Variants in METTL15 observed in about 807,000 individuals in gnomAD.
The protein encoded by METTL15 is 12S rRNA N(4)-cytidine methyltransferase METTL15.
A neutral mutation model predicts 38.3 loss-of-function variants in METTL15; 34 were observed. That is an observed-to-expected ratio of 0.89 (90% CI 0.68 to 1.18). The LOEUF is 1.18. Ranked by LOEUF, METTL15 falls within the 50% of genes most tolerant of loss-of-function variation. The pLI, the probability that METTL15 is intolerant of heterozygous loss-of-function variation, is 0.00. For synonymous variants in METTL15, 162 were observed against 170.9 expected, an observed-to-expected ratio of 0.95 and a Z score of 0.41; for missense variants, 438 against 498.4, an observed-to-expected ratio of 0.88 and a Z score of 1.15.
chr11:28,446,833 CT>C (rs1358520358), intron 6 of METTL15, among the ~76,000 whole-genome samples: 7 of 151,998 alleles, frequency 4.6e-5, no homozygotes, highest in African/African-American at 7.3e-5. Flanking sequence ...TTCCATACCC[CT>C]AATCACATTC....
chr11:28,251,456 G>T lies in METTL15; in HGVS notation c.408-38750G>T, dbSNP rs956860569. On this transcript the variant is annotated intron_variant, in intron 4 of 6. Coordinates refer to ENST00000407364, the MANE Select transcript of METTL15 (RefSeq NM_001113528.2). ...TTGTTACAGGCTAATTTTATATTTG[G>T]CTAGGTCATCAATTTTCTCATATAA... is the stretch of plus-strand genomic sequence containing the variant. Among the ~76,000 whole-genome samples the T allele has an allele frequency of 4.6e-5, 7 of 151,848 alleles. No individual in the cohort carries two copies. The East Asian group carries it at 1.2e-3, about 25-fold the overall frequency.
At chr11:28,273,425 A>G (rs563875440) in intron 4 of METTL15, among the ~76,000 whole-genome samples, 1 of 152,212 alleles carries the variant, frequency 6.6e-6, no homozygotes, top group East Asian at 1.9e-4. Flanking sequence ...CCCTATTATC[A>G]GCAGGCCCTA....
chr11:28,152,711 A>C (rs1395865965), intron 3 of METTL15, among the ~76,000 whole-genome samples: 1 of 152,052 alleles, frequency 6.6e-6, no homozygotes, highest in Non-Finnish European at 1.5e-5. Flanking sequence ...TAACTGTTAC[A>C]GGAAAGGGGT....
chr11:28,334,299 C>G (rs1849880879), downstream of METTL15, among the ~76,000 whole-genome samples: 1 of 151,888 alleles, frequency 6.6e-6, no homozygotes, highest in East Asian at 1.9e-4. Context: ...CATACCATGA[C>G]AAACTAAGCC....
At chr11:28,114,657 G>A (rs1851865412) in intron 3 of METTL15, among the ~76,000 whole-genome samples, 1 of 152,084 alleles carries the variant, frequency 6.6e-6, no homozygotes, top group Admixed American at 6.6e-5. Flanking sequence ...CACCATGTTG[G>A]CCAGGCTGGT....
intron 3 of METTL15, among the ~76,000 whole-genome samples, chr11:28,190,902 C>A (rs1222917840): frequency 6.6e-6 from 1 of 151,166 alleles, no homozygotes; most frequent in African/African-American, 2.4e-5. Context: ...CTTGTTCAAC[C>A]AAAGTAACAT....
At chr11:28,318,087 A>G (rs1409572408) in intron 6 of METTL15, among the ~76,000 whole-genome samples, 1 of 152,172 alleles carries the variant, frequency 6.6e-6, no homozygotes, top group Non-Finnish European at 1.5e-5. Flanking sequence ...GCAGCAGAGC[A>G]TCTCCGCATA....
At chr11:28,462,403 G>A (rs959039528) in intron 6 of METTL15, among the ~76,000 whole-genome samples, 2 of 151,224 alleles carry the variant, frequency 1.3e-5, no homozygotes, top group Non-Finnish European at 3.0e-5. Flanking sequence ...AGAATTCTCT[G>A]GTTACAAGCA....
At chr11:28,119,045 T>C (rs1266140607) in intron 3 of METTL15, among the ~76,000 whole-genome samples, 1 of 152,162 alleles carries the variant, frequency 6.6e-6, no homozygotes, top group Non-Finnish European at 1.5e-5. Flanking sequence ...TGTTTCCTCT[T>C]TCTGGAACTC....
chr11:28,154,867 A>G (rs117552379), intron 3 of METTL15, among the ~76,000 whole-genome samples: 124 of 152,198 alleles, frequency 8.1e-4, no homozygotes, highest in South Asian at 2.7e-3. Context: ...TAATTTATGC[A>G]TTTGAATTTG....
chr11:28,244,216 A>T (rs1390700304), intron 4 of METTL15, among the ~76,000 whole-genome samples: 1 of 152,220 alleles, frequency 6.6e-6, no homozygotes, highest in Non-Finnish European at 1.5e-5. Flanking sequence ...AGATTGCAGA[A>T]GGTAAGGTCA....
chr11:28,300,377 A>G (rs1200234234), intron 6 of METTL15, among the ~76,000 whole-genome samples: 1 of 152,188 alleles, frequency 6.6e-6, no homozygotes, highest in Non-Finnish European at 1.5e-5. Flanking sequence ...CTAATAATTC[A>G]GTAGGACAAG....
chr11:28,334,199 T>C, downstream of METTL15, among the ~76,000 whole-genome samples: 1 of 152,056 alleles, frequency 6.6e-6, no homozygotes, highest in Non-Finnish European at 1.5e-5. Context: ...CCATCCCTTC[T>C]TCTCTGTTCA....
At chr11:28,283,167 T>G (rs1325400606) in intron 4 of METTL15, among the ~76,000 whole-genome samples, 1 of 152,212 alleles carries the variant, frequency 6.6e-6, no homozygotes, top group Non-Finnish European at 1.5e-5. Context: ...TTTCTTCCTG[T>G]GCTGTCTCAG....
intron 5 of METTL15, among the ~76,000 whole-genome samples, chr11:28,409,996 A>C (rs934330492): frequency 4.6e-5 from 7 of 152,188 alleles, no homozygotes; most frequent in African/African-American, 1.7e-4. Context: ...AACTCTATGC[A>C]AATGAATTAG....
intron 3 of METTL15, among the ~76,000 whole-genome samples, chr11:28,342,507 C>T (rs1282481467): frequency 6.6e-6 from 1 of 151,870 alleles, no homozygotes; most frequent in Admixed American, 6.6e-5. Flanking sequence ...AAGTGATCCT[C>T]CCACCTTGGC....
At chr11:28,344,751 A>T (rs1400756054) in intron 3 of METTL15, among the ~76,000 whole-genome samples, 2 of 152,246 alleles carry the variant, frequency 1.3e-5, no homozygotes, top group Non-Finnish European at 2.9e-5. Flanking sequence ...AGAATGGAAG[A>T]GATTAAGTGA....
intron 5 of METTL15, among the ~76,000 whole-genome samples, chr11:28,408,206 G>A (rs9971603): frequency 0.019 from 2,843 of 152,174 alleles, 56 homozygotes; most frequent in African/African-American, 0.053. Flanking sequence ...CAATGCATGC[G>A]GGGCTTAATA....
chr11:28,392,370 A>G (rs1250843684), intron 5 of METTL15, among the ~76,000 whole-genome samples: 1 of 152,122 alleles, frequency 6.6e-6, no homozygotes, highest in Non-Finnish European at 1.5e-5. Flanking sequence ...ACAGTGTAGA[A>G]TTGGTATAAG....
Sources: allele counts gnomAD v4.1 joint callset (sites outside exome capture counted in the v4.1 genomes callset), GRCh38; gene constraint gnomAD v4.1.1; transcripts MANE v1.5; gene names NCBI Gene and HGNC (gene_info 2026-07-23, HGNC 2026-07-21).